STAU1: variants seen among roughly 807,000 people sequenced by gnomAD.
STAU1 encodes double-stranded RNA-binding protein Staufen homolog 1.
STAU1 carries 13 observed loss-of-function variants against 62.9 expected under a neutral mutation model. That is an observed-to-expected ratio of 0.21 (90% CI 0.13 to 0.33). STAU1 has a LOEUF of 0.33. Among genes scored for constraint, STAU1 ranks in the 10% least tolerant of loss-of-function variants. STAU1 has a pLI of 1.00. For synonymous variants in STAU1, 269 were observed against 265.1 expected (o/e 1.01, Z -0.14); for missense variants, 571 against 712.1 (o/e 0.80, Z 2.25).
chr20:49,195,507 GCCTGGGC>G, the STAU1 span, among the ~76,000 whole-genome samples: 1 of 118,082 alleles, frequency 8.5e-6, no homozygotes, highest in Non-Finnish European at 1.6e-5. Context: ...CTGCACTCCA[GCCTGGGC>G]GACAGAGCAA....
intron 1 of STAU1, among the ~76,000 whole-genome samples, chr20:49,174,754 G>A (rs1362950366): frequency 2.6e-5 from 4 of 152,076 alleles, no homozygotes; most frequent in Admixed American, 6.6e-5. Context: ...TGGCTAACAC[G>A]GTGAAACTCC....
Position 49,140,056 on chromosome 20 carries a change from C to T in STAU1, c.511-4125G>A, listed in dbSNP as rs190122468. On this transcript the variant is annotated intron_variant, in intron 5 of 13. Coordinates refer to ENST00000371856, the MANE Select transcript of STAU1 (RefSeq NM_017453.4). ...CAAAAATTAGCTGAGCGTGGTGACG[C>T]GCACCTGTAGTCCCAGCTACTCGGG... is the stretch of plus-strand genomic sequence containing the variant. 2.0e-3 allele frequency among the ~76,000 whole-genome samples: 305 copies of T among 150,580 alleles called. 2 individuals carry two copies. The highest frequency in any genetic ancestry group is 7.0e-3 in the African/African-American group (289 of 41,002).
chr20:49,174,841 G>A (rs1172278687), intron 1 of STAU1, among the ~76,000 whole-genome samples: 3 of 151,624 alleles, frequency 2.0e-5, no homozygotes, highest in African/African-American at 7.3e-5. Flanking sequence ...GGAGGCTGAG[G>A]CAGAATGGTG....
In STAU1 at chr20:49,154,010, C is replaced by T; in HGVS notation, c.267G>A (p.Met89Ile). 1 of 1,612,936 alleles carries T rather than the reference C, an allele frequency of 6.2e-7. No homozygotes were observed. The highest frequency in any genetic ancestry group is 8.5e-7 in the Non-Finnish European group (1 of 1,179,766). The change falls in exon 4 of 14, where the codon ATG becomes ATA. Residue 89 changes from methionine to isoleucine, a missense_variant. Around this residue, in one of 3 missense-constraint regions of STAU1, gnomAD observed 414 missense variants for 499.6 expected, o/e 0.83. Coordinates refer to ENST00000371856, the MANE Select transcript of STAU1 (RefSeq NM_017453.4). ...ALCMKLGKKP[M>I]YKPVDPYSRM... ...GAGAGTAAGGGTCAACAGGCTTATA[C>T]ATTGGTTTTTTTCCAAGTTTCATGC...
intron 1 of STAU1, among the ~76,000 whole-genome samples, chr20:49,182,523 A>T (rs776593427): frequency 3.3e-5 from 5 of 152,246 alleles, no homozygotes; most frequent in Admixed American, 1.3e-4. Flanking sequence ...ATAATACTGT[A>T]TGGTAAAATG....
the STAU1 span, among the ~76,000 whole-genome samples, chr20:49,208,496 C>T: frequency 6.6e-6 from 1 of 151,946 alleles, no homozygotes; most frequent in African/African-American, 2.4e-5. Flanking sequence ...AGCCACCATG[C>T]CTGGCACAAG....
chr20:49,165,079 T>C (rs1273322405), intron 3 of STAU1, among the ~76,000 whole-genome samples: 1 of 151,990 alleles, frequency 6.6e-6, no homozygotes, highest in East Asian at 1.9e-4. Context: ...GAGTCTTGCC[T>C]TGTTGCCCAG....
chr20:49,177,684 C>CA (rs1054602877), intron 1 of STAU1, among the ~76,000 whole-genome samples: 7 of 143,446 alleles, frequency 4.9e-5, no homozygotes, highest in African/African-American at 1.3e-4. Flanking sequence ...GTCTCAAAAA[C>CA]AAAAAAAAAA....
At chr20:49,124,649 A>G (rs767172218) in intron 6 of STAU1, 62 bp from the exon 7 acceptor site, 1 of 1,547,994 alleles carries the variant, frequency 6.5e-7, no homozygotes, top group South Asian at 1.1e-5. Flanking sequence ...TCCAAGGCAC[A>G]CTGGCTGGCA....
the STAU1 span, among the ~76,000 whole-genome samples, chr20:49,218,028 C>T: frequency 6.6e-6 from 1 of 150,824 alleles, no homozygotes; most frequent in African/African-American, 2.4e-5. Context: ...CACACACCAC[C>T]ATGCCCGGCT....
chr20:49,145,407 A>AT, intron 5 of STAU1, among the ~76,000 whole-genome samples: 1 of 129,622 alleles, frequency 7.7e-6, no homozygotes. Context: ...CTGGGCAACA[A>AT]AGCGAGACTC....
chr20:49,150,448 G>A (rs1253906125), intron 5 of STAU1, among the ~76,000 whole-genome samples: 2 of 151,498 alleles, frequency 1.3e-5, no homozygotes, highest in East Asian at 1.9e-4. Flanking sequence ...CGCAAGCTCC[G>A]CCTCCCGGGT....
intron 3 of STAU1, among the ~76,000 whole-genome samples, chr20:49,158,053 G>A (rs559678676): frequency 1.4e-4 from 21 of 151,646 alleles, no homozygotes; most frequent in African/African-American, 4.6e-4. Flanking sequence ...AGGCAGAGGC[G>A]GGCAGATCAC....
intron 3 of STAU1, among the ~76,000 whole-genome samples, chr20:49,163,017 C>A (rs1412578171): frequency 6.6e-6 from 1 of 151,834 alleles, no homozygotes; most frequent in Non-Finnish European, 1.5e-5. Context: ...CATGGTGAAA[C>A]CCCATCTCTA....
intron 1 of STAU1, among the ~76,000 whole-genome samples, chr20:49,176,981 C>T (rs180963086): frequency 3.3e-5 from 5 of 150,932 alleles, no homozygotes; most frequent in African/African-American, 9.7e-5. Context: ...GCGTGATCTC[C>T]GCTCACTGCA....
At position 49,117,279 on chromosome 20, in the gene STAU1, A is replaced by G. The variant is rs750153354; in HGVS notation, c.1510-31T>C. 9 of 1,612,242 alleles carry G rather than the reference A, an allele frequency of 5.6e-6. No homozygotes were observed. The East Asian group carries it at 6.7e-5, about 12-fold the overall frequency. The stretch of plus-strand genomic sequence containing the variant: ...GGGGAAAAGAGAGCTGAGGCTAGGT[A>G]GGGAACAGCAAGTATGAGTGGGCTG... On this transcript the variant is annotated intron_variant, in intron 11 of 13. Transcript: ENST00000371856. The surrounding 1 kb of genome is among the most constrained non-coding windows in gnomAD (Gnocchi z 4.6).
Position 49,117,868 on chromosome 20 carries a change from T to C in STAU1, c.1418A>G (p.Lys473Arg). 19 of 1,614,200 alleles carry C rather than the reference T, an allele frequency of 1.2e-5. No individual in the cohort carries two copies. The highest frequency in any genetic ancestry group is 1.6e-5 in the Non-Finnish European group (19 of 1,180,032). Residue 473 changes from lysine to arginine, a missense_variant, in exon 11 of 14, where the codon AAG becomes AGG. Transcript: ENST00000371856. This position sits in a 1 kb window ranked among gnomAD's most constrained non-coding sequence, Gnocchi z 4.6. ...GTSPTAETIL[K>R]NNISSGHVPH... ...TACGTGGCCTGAAGAGATGTTATTC[T>C]TTAAAATGGTCTCGGCTGTGGGCGA... is the stretch of plus-strand genomic sequence containing the variant.
At chr20:49,168,895 C>A (rs2093561274) in intron 2 of STAU1, among the ~76,000 whole-genome samples, 1 of 151,848 alleles carries the variant, frequency 6.6e-6, no homozygotes, top group African/African-American at 2.4e-5. Flanking sequence ...AGCTTATATT[C>A]TTAGACAGGA....
chr20:49,134,473 C>T lies in STAU1; in HGVS notation c.609+1360G>A, dbSNP rs534917463. 7.6e-5 allele frequency: 60 copies of T among 793,040 alleles called. No individual in the cohort carries two copies. In the South Asian group the frequency reaches 8.3e-4, roughly 11 times the overall value. 49.1% of individuals were successfully genotyped at this position (793,040 alleles called of 1,614,324 possible). On this transcript the variant is annotated intron_variant, in intron 6 of 13. Coordinates refer to ENST00000371856, the MANE Select transcript of STAU1 (RefSeq NM_017453.4). ...AAGCTCTGGGTTGAAACCCGGGCGC[C>T]GCCAAGATGCCGGCTCATTACTCTT...
Sources: allele counts gnomAD v4.1 joint callset (sites outside exome capture counted in the v4.1 genomes callset), GRCh38; gene constraint gnomAD v4.1.1; regional missense constraint gnomAD v4.1.1; non-coding constraint Gnocchi (gnomAD v3.1); transcripts MANE v1.5; gene names NCBI Gene and HGNC (gene_info 2026-07-23, HGNC 2026-07-21).